Variants in SETBP1 observed in about 807,000 individuals in gnomAD.
SETBP1 encodes the protein SET-binding protein.
A neutral mutation model predicts 101.0 loss-of-function variants in SETBP1; 9 were observed. That is an observed-to-expected ratio of 0.09 (90% confidence interval 0.05 to 0.16). The LOEUF is 0.16. Among genes scored for constraint, SETBP1 ranks in the 10% least tolerant of loss-of-function variants. SETBP1 has a pLI of 1.00. For synonymous variants in SETBP1, 818 were observed against 788.5 expected (o/e 1.04, Z -0.63); for missense variants, 1,858 against 2,033.8 (o/e 0.91, Z 1.66).
intron 4 of SETBP1, among the ~76,000 whole-genome samples, chr18:44,994,257 C>A (rs1944276): frequency 0.91 from 138,150 of 152,188 alleles, 62,877 homozygotes; most frequent in African/African-American, 0.97. Flanking sequence ...TTTCCTGATT[C>A]TATTCCAGGA....
chr18:45,008,006 C>G (rs1209730131), intron 4 of SETBP1, among the ~76,000 whole-genome samples: 1 of 152,152 alleles, frequency 6.6e-6, no homozygotes, highest in East Asian at 1.9e-4. Flanking sequence ...CCTGAGATAC[C>G]AAAGCTGGCT....
At chr18:44,694,997 G>A (rs934199142) in intron 1 of SETBP1, among the ~76,000 whole-genome samples, 1 of 152,060 alleles carries the variant, frequency 6.6e-6, no homozygotes, top group Non-Finnish European at 1.5e-5. Flanking sequence ...AGTAAAGAAA[G>A]ATTGCAGGGA....
At chr18:44,956,363 AGT>A (rs1276375282) in intron 4 of SETBP1, among the ~76,000 whole-genome samples, 1 of 152,122 alleles carries the variant, frequency 6.6e-6, no homozygotes, top group Non-Finnish European at 1.5e-5. Flanking sequence ...GACTCTGAAG[AGT>A]GCCAAGTTCC....
intron 2 of SETBP1, among the ~76,000 whole-genome samples, chr18:44,816,133 G>A (rs563610827): frequency 6.6e-6 from 1 of 152,260 alleles, no homozygotes; most frequent in South Asian, 2.1e-4. Flanking sequence ...GGGCTCCAAG[G>A]GATCGTCCCA....
Position 44,703,377 on chromosome 18 carries a change from T to G in SETBP1, c.486+1545T>G, listed in dbSNP as rs1441002728. Reference sequence around the variant, plus strand: ...TTTTTTTTTTTTTTTTTTTTTTTTTTTTTTTTTTTTTTTTTTTAGCTTTGG... The same window carrying G: ...TTTTTTTTTTTTTTTTTTTTTTTTTGTTTTTTTTTTTTTTTTTAGCTTTGG... On this transcript the variant is annotated intron_variant, in intron 2 of 5. Transcript: ENST00000649279. Among the ~76,000 whole-genome samples, 2 of 98,818 alleles carry G rather than the reference T, an allele frequency of 2.0e-5. 1 individual carries two copies. Among genetic ancestry groups the G allele is most frequent in the African/African-American group, 7.8e-5 (2 of 25,490 alleles). The allele number at this position is 98,818 out of a possible 152,430, so 64.8% of individuals were successfully genotyped here.
chr18:44,763,987 C>T (rs1379860729), intron 2 of SETBP1, among the ~76,000 whole-genome samples: 1 of 152,164 alleles, frequency 6.6e-6, no homozygotes, highest in Non-Finnish European at 1.5e-5. Context: ...TTATCTATAC[C>T]CTGGACCTAA....
At chr18:44,872,060 C>T (rs1229662420) in intron 3 of SETBP1, 1 of 152,222 alleles carries the variant, frequency 6.6e-6, no homozygotes, top group Non-Finnish European at 1.5e-5. Context: ...GCAACAGACA[C>T]ACTTGAGTAC....
At chr18:45,025,209 C>A (rs559940330) in intron 4 of SETBP1, among the ~76,000 whole-genome samples, 30 of 152,138 alleles carry the variant, frequency 2.0e-4, no homozygotes, top group Non-Finnish European at 3.4e-4. Flanking sequence ...TTTCTCCTGC[C>A]CCTTTAAGAA....
intron 2 of SETBP1, among the ~76,000 whole-genome samples, chr18:44,779,623 A>G (rs2071082037): frequency 6.6e-6 from 1 of 152,084 alleles, no homozygotes. Flanking sequence ...GAGGAGAGGG[A>G]GAGAGAAAGG....
Position 44,971,708 on chromosome 18 carries a change from C to T in SETBP1, c.4000+18368C>T, listed in dbSNP as rs531792853. On this transcript the variant is annotated intron_variant, in intron 4 of 5. Transcript: ENST00000649279. ...AGTGTCTGTTCATATCCTTTGCCCA[C>T]TTTTTGATGGGGTTGTTTGTTTTTT... 2.2e-4 allele frequency among the ~76,000 whole-genome samples: 33 copies of T among 152,290 alleles called. No individual in the cohort carries two copies. In the South Asian group the frequency reaches 6.2e-3, roughly 29 times the overall value.
intron 2 of SETBP1, among the ~76,000 whole-genome samples, chr18:44,856,973 C>T (rs1352938439): frequency 6.6e-6 from 1 of 152,214 alleles, no homozygotes; most frequent in African/African-American, 2.4e-5. Flanking sequence ...CTCACCTCTA[C>T]TTTCTAGATC....
At chr18:44,785,527 C>T (rs2144700618) in intron 2 of SETBP1, among the ~76,000 whole-genome samples, 1 of 152,290 alleles carries the variant, frequency 6.6e-6, no homozygotes, top group East Asian at 1.9e-4. Context: ...CTCTTTTGAG[C>T]ATTAAGGAAG....
intron 2 of SETBP1, among the ~76,000 whole-genome samples, chr18:44,740,056 A>G (rs2070062377): frequency 1.3e-5 from 2 of 152,322 alleles, no homozygotes; most frequent in South Asian, 4.1e-4. Flanking sequence ...AAATCCTGGT[A>G]AGGAACCAGG....
intron 1 of SETBP1, among the ~76,000 whole-genome samples, chr18:44,690,166 T>G (rs1420543787): frequency 6.6e-6 from 1 of 152,258 alleles, no homozygotes; most frequent in Non-Finnish European, 1.5e-5. Context: ...ATACTGGTAC[T>G]TATTTCCAAG....
intron 2 of SETBP1, among the ~76,000 whole-genome samples, chr18:44,851,534 G>A (rs1190208658): frequency 6.6e-6 from 1 of 152,158 alleles, no homozygotes; most frequent in African/African-American, 2.4e-5. Context: ...CCCAGCATGA[G>A]CCTACACGGT....
chr18:44,943,979 T>A (rs1477492770), intron 3 of SETBP1, among the ~76,000 whole-genome samples: 1 of 151,854 alleles, frequency 6.6e-6, no homozygotes, highest in East Asian at 1.9e-4. Context: ...GGATTACAGG[T>A]GCACGCCATG....
At position 44,938,998 on chromosome 18, in the gene SETBP1, C is replaced by CTG. The variant is rs151163941; in HGVS notation, c.541-10868_541-10867dup. Among the ~76,000 whole-genome samples the CTG allele has an allele frequency of 9.8e-3, 1,461 of 148,524 alleles. 9 individuals carry two copies. The highest frequency in any genetic ancestry group is 0.012 in the Non-Finnish European group (784 of 66,836). ...TGTGTGTGTGTCTGTGTCTCTGTGCCTGTGTGTGTGTGTGTGATATAGGGA... is the reference window on the plus strand; with the variant it reads ...TGTGTGTGTGTCTGTGTCTCTGTGCCTGTGTGTGTGTGTGTGTGATATAGGGA... On this transcript the variant is annotated intron_variant, in intron 3 of 5. Transcript: ENST00000649279.
At chr18:44,939,581 A>C (rs1447943482) in intron 3 of SETBP1, among the ~76,000 whole-genome samples, 1 of 152,198 alleles carries the variant, frequency 6.6e-6, no homozygotes, top group East Asian at 1.9e-4. Context: ...GGGTAAATAT[A>C]TGAGTGGAAT....
chr18:45,021,318 C>T (rs2073061712), intron 4 of SETBP1, among the ~76,000 whole-genome samples: 1 of 152,232 alleles, frequency 6.6e-6, no homozygotes, highest in Non-Finnish European at 1.5e-5. Context: ...TAGGATGCCA[C>T]GGTTTAAATC....
Sources: gnomAD v4.1 joint callset for allele counts (sites outside exome capture counted in the v4.1 genomes callset) on GRCh38, gnomAD v4.1.1 for gene constraint, MANE v1.5 for transcripts, NCBI Gene and HGNC (gene_info 2026-07-23, HGNC 2026-07-21) for gene names.